ADGRL3: variants seen among roughly 807,000 people sequenced by gnomAD.
The protein encoded by ADGRL3 is adhesion G protein-coupled receptor L3, also known as calcium-independent alpha-latrotoxin receptor 3.
In ADGRL3, 62 loss-of-function variants were observed where a neutral mutation model predicts 153.5. The observed-to-expected ratio is 0.40, with a 90% CI of 0.33 to 0.50. The LOEUF is 0.50. Among genes scored for constraint, ADGRL3 ranks in the 20% least tolerant of loss-of-function variants. ADGRL3 has a pLI of 0.47. For missense variants in ADGRL3, 1,641 were observed against 1,859.4 expected (o/e 0.88, Z 2.16); for synonymous variants, 710 against 672.5 (o/e 1.06, Z -0.86).
chr4:61,621,173 T>G (rs937209790), intron 5 of ADGRL3, among the ~76,000 whole-genome samples: 1 of 152,214 alleles, frequency 6.6e-6, no homozygotes, highest in Non-Finnish European at 1.5e-5. Context: ...TTTATATCCT[T>G]CTTTTTACAT....
chr4:61,857,698 C>T (rs1971889), intron 9 of ADGRL3, among the ~76,000 whole-genome samples: 28 of 129,202 alleles, frequency 2.2e-4, no homozygotes, highest in African/African-American at 1.0e-3. Context: ...TTTCTTCCTT[C>T]CTTTCTTCCT....
At chr4:61,840,876 T>C (rs1251149799) in intron 9 of ADGRL3, among the ~76,000 whole-genome samples, 1 of 152,158 alleles carries the variant, frequency 6.6e-6, no homozygotes, top group Non-Finnish European at 1.5e-5. Context: ...AAATTGGGTT[T>C]TTGTTTGCTT....
At chr4:61,909,876 A>C in intron 12 of ADGRL3, 131 bp downstream of exon 12, 1 of 582,750 alleles carries the variant, frequency 1.7e-6, no homozygotes, top group Non-Finnish European at 2.8e-6. Flanking sequence ...GATCATTATA[A>C]AGAGAATCAA....
At chr4:61,598,246 T>C (rs572651660) in intron 5 of ADGRL3, among the ~76,000 whole-genome samples, 2 of 152,256 alleles carry the variant, frequency 1.3e-5, no homozygotes, top group African/African-American at 4.8e-5. Flanking sequence ...TAAATAATAT[T>C]AGCAGCACAA....
At chr4:61,900,111 C>A (rs1012234614) in intron 11 of ADGRL3, among the ~76,000 whole-genome samples, 3 of 152,116 alleles carry the variant, frequency 2.0e-5, no homozygotes, top group African/African-American at 7.2e-5. Flanking sequence ...ATATCATTAA[C>A]CTCTGGATTC....
intron 1 of ADGRL3, among the ~76,000 whole-genome samples, chr4:61,281,374 T>C (rs1266129575): frequency 1.3e-5 from 2 of 152,154 alleles, no homozygotes; most frequent in African/African-American, 4.8e-5. Context: ...GACCTAACCT[T>C]TGGGTACCCC....
At position 61,641,436 on chromosome 4, in the gene ADGRL3, C is replaced by T. The variant is rs547940095; in HGVS notation, c.474-35390C>T. Among the ~76,000 whole-genome samples, 253 of 111,948 alleles carry T rather than the reference C, an allele frequency of 2.3e-3. 4 individuals are homozygous for T. The highest frequency in any genetic ancestry group is 7.9e-3 in the African/African-American group (235 of 29,894). 73.4% of individuals were successfully genotyped at this position (111,948 alleles called of 152,430 possible). A position where few individuals can be genotyped will look rare whatever the true frequency, so the allele number is the denominator to read the frequency against. ...TATCTCCCAATGCTATCCCTCCCCCCTCCCCCCACCCCACAACAGTCCTCA... is the reference window on the plus strand; with the variant it reads ...TATCTCCCAATGCTATCCCTCCCCCTTCCCCCCACCCCACAACAGTCCTCA... On this transcript the variant is annotated intron_variant, in intron 5 of 26. Coordinates refer to ENST00000683033, the MANE Select transcript of ADGRL3 (RefSeq NM_001387552.1).
chr4:61,746,751 A>G (rs182548044), intron 8 of ADGRL3, among the ~76,000 whole-genome samples: 1,829 of 152,348 alleles, frequency 0.012, 42 homozygotes, highest in African/African-American at 0.04. Context: ...CACAAGAGAA[A>G]GCAGGAAAGA....
intron 21 of ADGRL3, among the ~76,000 whole-genome samples, chr4:62,007,792 A>G (rs958299898): frequency 6.6e-6 from 1 of 151,902 alleles, no homozygotes; most frequent in Non-Finnish European, 1.5e-5. Flanking sequence ...GTCAGGGTCG[A>G]TTTTATTTTA....
intron 5 of ADGRL3, among the ~76,000 whole-genome samples, chr4:61,615,491 A>G (rs2091894569): frequency 6.6e-6 from 1 of 152,152 alleles, no homozygotes; most frequent in East Asian, 1.9e-4. Flanking sequence ...ATTTTGAAAT[A>G]TGAATAGGGA....
intron 25 of ADGRL3, among the ~76,000 whole-genome samples, chr4:62,066,269 G>C (rs1466714760): frequency 6.6e-6 from 1 of 152,042 alleles, no homozygotes; most frequent in Non-Finnish European, 1.5e-5. Flanking sequence ...GGTATGTACT[G>C]GAGTGGTTTA....
intron 18 of ADGRL3, among the ~76,000 whole-genome samples, chr4:61,980,698 C>T (rs2099065258): frequency 6.6e-6 from 1 of 152,166 alleles, no homozygotes; most frequent in Non-Finnish European, 1.5e-5. Flanking sequence ...GCCTCAGCCT[C>T]CCAAAGTGCT....
At chr4:62,000,128 C>T (rs1007927156) in intron 21 of ADGRL3, among the ~76,000 whole-genome samples, 2 of 151,390 alleles carry the variant, frequency 1.3e-5, no homozygotes, top group African/African-American at 4.8e-5. Flanking sequence ...ATAAGTAATA[C>T]TTTATTTATT....
chr4:61,569,601 T>A (rs375348970), intron 4 of ADGRL3, among the ~76,000 whole-genome samples: 5 of 151,836 alleles, frequency 3.3e-5, no homozygotes, highest in African/African-American at 1.2e-4. Context: ...TCCCAAGCCC[T>A]AGGCAACTTC....
intron 2 of ADGRL3, among the ~76,000 whole-genome samples, chr4:61,390,850 C>T (rs558409946): frequency 9.2e-5 from 14 of 152,234 alleles, no homozygotes; most frequent in Middle Eastern, 6.8e-3. Flanking sequence ...CCTAACTCCC[C>T]GGCAGCCACT....
intron 8 of ADGRL3, among the ~76,000 whole-genome samples, chr4:61,744,692 A>G (rs2096630749): frequency 6.6e-6 from 1 of 152,212 alleles, no homozygotes; most frequent in South Asian, 2.1e-4. Context: ...CAGAAAGGAC[A>G]TCCACACCAA....
intron 17 of ADGRL3, among the ~76,000 whole-genome samples, chr4:61,976,353 A>G (rs1432003501): frequency 2.6e-5 from 4 of 152,268 alleles, no homozygotes; most frequent in East Asian, 3.9e-4. Context: ...TAGAAGTTCT[A>G]TTATGGCAGA....
In ADGRL3 at chr4:61,479,896, A is replaced by G. The variant is rs1056556091; in HGVS notation, c.-173-17225A>G. ...AAGCTTCTTTAAATTATAATTAACA[A>G]TTAGGATTTGTATATAGTTAAGGTT... On this transcript the variant is annotated intron_variant, in intron 2 of 26. Transcript: ENST00000683033. Among the ~76,000 whole-genome samples, 5 of 152,144 alleles carry G rather than the reference A, an allele frequency of 3.3e-5. No individual in the cohort carries two copies. In the East Asian group the frequency reaches 9.6e-4, roughly 29 times the overall value.
rs146921714 is a variant in ADGRL3, at chr4:61,852,788, G to A, written c.1480+38899G>A. Among the ~76,000 whole-genome samples, 633 of 151,042 alleles carry A rather than the reference G, an allele frequency of 4.2e-3. 6 individuals carry two copies. The highest frequency in any genetic ancestry group is 0.014 in the African/African-American group (594 of 41,298). On this transcript the variant is annotated intron_variant, in intron 9 of 26. Transcript: ENST00000683033. ...TACTGAGTAGGTATTTCTCTCCATA[G>A]AGGAATCCTGAACTCATCATCTTTT...
Sources: gnomAD v4.1 joint callset for allele counts (sites outside exome capture counted in the v4.1 genomes callset) on GRCh38, gnomAD v4.1.1 for gene constraint, MANE v1.5 for transcripts, NCBI Gene and HGNC (gene_info 2026-07-23, HGNC 2026-07-21) for gene names.